TLL1: variants seen among roughly 807,000 people sequenced by gnomAD.
The protein encoded by TLL1 is tolloid-like protein 1.
In TLL1, 49 loss-of-function variants were observed where a neutral mutation model predicts 128.2. That is an observed-to-expected ratio of 0.38 (90% CI 0.30 to 0.48). The LOEUF (loss-of-function observed/expected upper bound fraction) is 0.48. Ranked by LOEUF, TLL1 falls within the 20% of genes least tolerant of loss-of-function variation. The pLI, the probability that TLL1 is intolerant of heterozygous loss-of-function variation, is 0.96. For synonymous variants in TLL1, 454 were observed against 418.8 expected (o/e 1.08, Z -1.03); for missense variants, 1,123 against 1,242.0 (o/e 0.90, Z 1.44).
chr4:165,923,365 G>A (rs1733122318), intron 1 of TLL1, among the ~76,000 whole-genome samples: 1 of 140,502 alleles, frequency 7.1e-6, no homozygotes, highest in Admixed American at 7.3e-5. Flanking sequence ...TTTAAATAAA[G>A]TAATATTGTA....
rs558402016 is a variant in TLL1, at chr4:165,966,911, G to A, written c.170-22470G>A. On this transcript the variant is annotated intron_variant, in intron 1 of 20. Transcript: ENST00000061240. ...TATCAGGAGACAGGGCTTGAGAGAA[G>A]ACAACTGGTCTGACTAAAATTTACT... is the stretch of plus-strand genomic sequence containing the variant. Among the ~76,000 whole-genome samples the A allele has an allele frequency of 1.8e-4, 28 of 152,268 alleles. 1 individual carries two copies. The East Asian group carries it at 4.6e-3, about 25-fold the overall frequency.
intron 1 of TLL1, among the ~76,000 whole-genome samples, chr4:165,887,809 T>C (rs1025835438): frequency 6.6e-6 from 1 of 152,196 alleles, no homozygotes; most frequent in Admixed American, 6.5e-5. Flanking sequence ...TATATCTGTA[T>C]TTGTTTAGGC....
chr4:166,014,068 C>T (rs1053431798), intron 7 of TLL1, among the ~76,000 whole-genome samples: 2 of 151,728 alleles, frequency 1.3e-5, no homozygotes, highest in African/African-American at 4.8e-5. Flanking sequence ...GGGAAATAGA[C>T]CTCTATGAGG....
intron 1 of TLL1, among the ~76,000 whole-genome samples, chr4:165,924,104 G>A (rs766359167): frequency 2.6e-5 from 4 of 152,064 alleles, no homozygotes; most frequent in Non-Finnish European, 5.9e-5. Context: ...TATTCCATGA[G>A]ACACAACAGT....
intron 9 of TLL1, among the ~76,000 whole-genome samples, chr4:166,025,829 A>G (rs1738469605): frequency 6.6e-6 from 1 of 152,140 alleles, no homozygotes; most frequent in Non-Finnish European, 1.5e-5. Flanking sequence ...AAAATATTGA[A>G]GACCAACCCT....
intron 11 of TLL1, among the ~76,000 whole-genome samples, 178 bp downstream of exon 11, chr4:166,042,321 T>A (rs1448681368): frequency 6.6e-6 from 1 of 152,222 alleles, no homozygotes; most frequent in African/African-American, 2.4e-5. Context: ...AAGAACAACC[T>A]GTTGTCTAGT....
chr4:166,006,217 T>G (rs185098007), intron 6 of TLL1, among the ~76,000 whole-genome samples: 18 of 151,856 alleles, frequency 1.2e-4, no homozygotes, highest in Non-Finnish European at 1.0e-4. Context: ...TGTTAGAATA[T>G]GATTTCAAGA....
intron 4 of TLL1, among the ~76,000 whole-genome samples, 178 bp from the exon 5 acceptor site, chr4:165,994,883 A>T (rs1736795839): frequency 6.6e-6 from 1 of 152,188 alleles, no homozygotes; most frequent in Admixed American, 6.5e-5. Flanking sequence ...CCCTCTGATT[A>T]TAAAGTGAGT....
At chr4:165,944,101 G>A (rs1160993611) in intron 1 of TLL1, among the ~76,000 whole-genome samples, 2 of 152,076 alleles carry the variant, frequency 1.3e-5, no homozygotes, top group African/African-American at 4.8e-5. Context: ...ACTTCCAACA[G>A]CTGGTTTTAA....
At chr4:165,983,170 G>C (rs928362970) in intron 1 of TLL1, among the ~76,000 whole-genome samples, 1 of 151,716 alleles carries the variant, frequency 6.6e-6, no homozygotes. Context: ...TTTCTCTTTT[G>C]AGACAAAGAG....
chr4:165,951,001 T>A (rs1250071727), intron 1 of TLL1, among the ~76,000 whole-genome samples: 1 of 152,138 alleles, frequency 6.6e-6, no homozygotes, highest in East Asian at 1.9e-4. Context: ...ATAACATTGA[T>A]AAAGTTCTAA....
chr4:166,007,569 T>A (rs1737496120), intron 6 of TLL1, among the ~76,000 whole-genome samples: 1 of 151,592 alleles, frequency 6.6e-6, no homozygotes, highest in Admixed American at 6.6e-5. Flanking sequence ...GAAAACCTAG[T>A]CATAAAAATG....
chr4:166,001,684 C>A (rs60996599), intron 5 of TLL1, among the ~76,000 whole-genome samples: 2,039 of 151,624 alleles, frequency 0.013, 41 homozygotes, highest in African/African-American at 0.047. Flanking sequence ...ATGTAATCCC[C>A]GCTACTCTGG....
chr4:166,015,606 T>C (rs1737900200), intron 8 of TLL1, among the ~76,000 whole-genome samples: 1 of 152,036 alleles, frequency 6.6e-6, no homozygotes, highest in South Asian at 2.1e-4. Flanking sequence ...AAAAAATTAA[T>C]ATGTACTCGT....
At chr4:165,993,827 G>A (rs1471750861) in intron 3 of TLL1, among the ~76,000 whole-genome samples, 3 of 152,110 alleles carry the variant, frequency 2.0e-5, no homozygotes, top group Non-Finnish European at 2.9e-5. Context: ...TATGAATACT[G>A]AGGAAACTGG....
chr4:166,006,171 A>C (rs1024849519), intron 6 of TLL1, among the ~76,000 whole-genome samples: 1 of 151,820 alleles, frequency 6.6e-6, no homozygotes, highest in African/African-American at 2.4e-5. Flanking sequence ...TATGATAGGA[A>C]CCAAATTGGT....
intron 19 of TLL1, among the ~76,000 whole-genome samples, chr4:166,095,298 A>C (rs1278375725): frequency 6.6e-6 from 1 of 152,106 alleles, no homozygotes; most frequent in African/African-American, 2.4e-5. Flanking sequence ...AATTGGAAAG[A>C]GTTCTTTTTT....
At chr4:165,996,516 T>A (rs1736883510) in intron 5 of TLL1, among the ~76,000 whole-genome samples, 1 of 152,044 alleles carries the variant, frequency 6.6e-6, no homozygotes, top group African/African-American at 2.4e-5. Context: ...GGAGAATAGC[T>A]GGAACCTGGG....
chr4:166,015,976 A>G (rs1025055299), intron 8 of TLL1, among the ~76,000 whole-genome samples: 2 of 151,950 alleles, frequency 1.3e-5, no homozygotes, highest in African/African-American at 2.4e-5. Flanking sequence ...TTTTTGCATC[A>G]TAATGATTCA....
Sources: gnomAD v4.1 joint callset for allele counts (sites outside exome capture counted in the v4.1 genomes callset) on GRCh38, gnomAD v4.1.1 for gene constraint, MANE v1.5 for transcripts, NCBI Gene and HGNC (gene_info 2026-07-23, HGNC 2026-07-21) for gene names.